The following SPPL2A variants were observed in gnomAD, a reference collection of about 807,000 sequenced individuals.
SPPL2A encodes the protein signal peptide peptidase-like 2A.
SPPL2A carries 51 observed loss-of-function variants against 63.8 expected under a neutral mutation model. The ratio of observed to expected loss-of-function variants is 0.80; its 90% CI spans 0.64 to 1.01. The LOEUF is 1.01. Ranked by LOEUF, SPPL2A falls within the 50% of genes least tolerant of loss-of-function variation. SPPL2A has a pLI of 0.00. For missense variants in SPPL2A, 553 were observed against 622.7 expected (o/e 0.89, Z 1.19); for synonymous variants, 188 against 205.8 (o/e 0.91, Z 0.74).
chr15:50,734,185 C>A (rs113662455), intron 8 of SPPL2A, among the ~76,000 whole-genome samples: 28 of 152,116 alleles, frequency 1.8e-4, no homozygotes, highest in African/African-American at 6.8e-4. Context: ...CAAAGAGATA[C>A]CTGAACTCTC....
At chr15:50,726,138 C>G (rs185441028) in intron 11 of SPPL2A, 183 bp downstream of exon 11, 1 of 1,522,924 alleles carries the variant, frequency 6.6e-7, no homozygotes, top group Admixed American at 2.0e-5. Context: ...TAGGATGAAA[C>G]CCAAGTCAAT....
rs529036460 is a variant in SPPL2A at position 50,749,537 on chromosome 15, T to C, written c.177+99A>G. On this transcript the variant is annotated intron_variant, in intron 2 of 14. Coordinates refer to ENST00000261854, the MANE Select transcript of SPPL2A (RefSeq NM_032802.4). The stretch of plus-strand genomic sequence containing the variant: ...TCCTGACCTCATGATCCGCCCGCCT[T>C]GGCCTCCCAAAGTGCTGGGATTACA... 2,815 of 766,864 alleles carry C rather than the reference T, an allele frequency of 3.7e-3. 6 individuals carry two copies. Among genetic ancestry groups the C allele is most frequent in the Non-Finnish European group, 5.5e-3 (2,355 of 430,778 alleles). The allele number at this position is 766,864 out of a possible 1,614,324, so 47.5% of individuals were successfully genotyped here.
intron 1 of SPPL2A, among the ~76,000 whole-genome samples, chr15:50,764,771 A>G (rs1053698636): frequency 1.8e-4 from 28 of 152,316 alleles, no homozygotes; most frequent in African/African-American, 6.0e-4. Flanking sequence ...ATCTATGAAC[A>G]CATATTTCTT....
At chr15:50,765,415 GC>G in intron 1 of SPPL2A, 52 bp downstream of exon 1, 3 of 1,417,674 alleles carry the variant, frequency 2.1e-6, no homozygotes, top group South Asian at 1.3e-5. Context: ...CCCGGCCTTG[GC>G]CCCGGCCCCG....
intron 5 of SPPL2A, among the ~76,000 whole-genome samples, chr15:50,740,495 G>A (rs773784881): frequency 1.3e-5 from 2 of 151,482 alleles, no homozygotes; most frequent in Non-Finnish European, 2.9e-5. Flanking sequence ...AATACTTGTG[G>A]ATGTTTATAT....
Position 50,757,089 on chromosome 15 carries a change from C to CTTTTTTTTTTTTT in SPPL2A, c.67-7344_67-7343insAAAAAAAAAAAAA, listed in dbSNP as rs57100103. On this transcript the variant is annotated intron_variant, in intron 1 of 14. Coordinates refer to ENST00000261854, the MANE Select transcript of SPPL2A (RefSeq NM_032802.4). ...GTTCCTCCCACATCCTAAATCCTTT[C>CTTTTTTTTTTTTT]TTTTTTTTTTTGAGACAGAGTCTCA... Among the ~76,000 whole-genome samples the CTTTTTTTTTTTTT allele has an allele frequency of 3.5e-3, 443 of 128,310 alleles. 38 individuals are homozygous for CTTTTTTTTTTTTT. The highest frequency in any genetic ancestry group is 0.013 in the African/African-American group (417 of 32,638). 84.2% of individuals were successfully genotyped at this position (128,310 alleles called of 152,430 possible).
chr15:50,727,866 A>G (rs1258629511), intron 10 of SPPL2A, among the ~76,000 whole-genome samples: 1 of 152,252 alleles, frequency 6.6e-6, no homozygotes, highest in African/African-American at 2.4e-5. Flanking sequence ...GTAAATCTAC[A>G]GCAGTGAACT....
Position 50,748,720 on chromosome 15 carries a change from C to T in SPPL2A, c.328G>A (p.Glu110Lys). 6.2e-7 allele frequency: 1 copy of T among 1,608,670 alleles called. No individual in the cohort carries two copies. The highest frequency in any genetic ancestry group is 1.1e-5 in the South Asian group (1 of 90,176). ...CTGTTATTGACAACTAACATTGCTT[C>T]AGCACCTCCTTTCTGTGCAATTCTG... ...KARIAQKGGA[E>K]AMLVVNNSVL... The change falls in exon 3 of 15, where the codon GAA becomes AAA. Residue 110 changes from glutamate (E) to lysine (K), a missense_variant. By Grantham distance (56) the Glu-to-Lys change is moderately conservative. Transcript: ENST00000261854.
At chr15:50,757,927 T>C (rs1178093073) in intron 1 of SPPL2A, among the ~76,000 whole-genome samples, 2 of 145,802 alleles carry the variant, frequency 1.4e-5, no homozygotes, top group Admixed American at 7.0e-5. Flanking sequence ...GAAGTTGCAG[T>C]GAGCTGAGAT....
In SPPL2A at chr15:50,712,494, A is replaced by C. The variant is rs570264988; in HGVS notation, c.1489-4620T>G. 1.2e-4 allele frequency among the ~76,000 whole-genome samples: 18 copies of C among 152,192 alleles called. No homozygotes were observed. The South Asian group carries it at 3.7e-3, about 32-fold the overall frequency. ...CTCAGGCCCATCTCACAGTGGAACC[A>C]TATCAAGTCTCCCTCTGTCTCACCA... On this transcript the variant is annotated intron_variant, in intron 14 of 14. Coordinates refer to ENST00000261854, the MANE Select transcript of SPPL2A (RefSeq NM_032802.4).
In SPPL2A at chr15:50,731,642, G is replaced by C. The variant is rs187344638; in HGVS notation, c.1015-603C>G. Among the ~76,000 whole-genome samples, 6 of 152,022 alleles carry C rather than the reference G, an allele frequency of 3.9e-5. No homozygotes were observed. The East Asian group carries it at 1.2e-3, about 29-fold the overall frequency. The stretch of plus-strand genomic sequence containing the variant: ...TATATGAATGATTAAAAATATTTTA[G>C]GCAGGCTGGGCACAGTGGCTCATGC... On this transcript the variant is annotated intron_variant, in intron 9 of 14. Transcript: ENST00000261854.
At chr15:50,728,885 C>T (rs1385645187) in intron 10 of SPPL2A, among the ~76,000 whole-genome samples, 1 of 150,568 alleles carries the variant, frequency 6.6e-6, no homozygotes, top group African/African-American at 2.5e-5. Flanking sequence ...GCAATCTTGG[C>T]TCACTGCAAC....
chr15:50,718,990 G>T (rs1426817565), intron 14 of SPPL2A, among the ~76,000 whole-genome samples: 1 of 152,078 alleles, frequency 6.6e-6, no homozygotes, highest in Non-Finnish European at 1.5e-5. Context: ...CAGTGCCATG[G>T]CCCTGACCTC....
chr15:50,704,124 C>T lies in SPPL2A; in HGVS notation c.*3676G>A, dbSNP rs1027677350. The T allele has an allele frequency of 2.6e-5, 4 of 151,942 alleles. No individual in the cohort carries two copies. The highest frequency in any genetic ancestry group is 9.7e-5 in the African/African-American group (4 of 41,374). 9.4% of individuals were successfully genotyped at this position (151,942 alleles called of 1,614,324 possible). On this transcript the variant is annotated 3_prime_UTR_variant, in exon 15 of 15. Coordinates refer to ENST00000261854, the MANE Select transcript of SPPL2A (RefSeq NM_032802.4). ...TTAGGAGGCTGAGGCGGGCGGATCA[C>T]CTCAGGTTGGGAGTTCGAGACCAGC...
chr15:50,752,957 A>T (rs1247220807), intron 1 of SPPL2A, among the ~76,000 whole-genome samples: 1 of 152,152 alleles, frequency 6.6e-6, no homozygotes, highest in Non-Finnish European at 1.5e-5. Flanking sequence ...TCTATCAAAA[A>T]TTGTAATACA....
chr15:50,736,915 T>G (rs567153749), intron 6 of SPPL2A, among the ~76,000 whole-genome samples, 175 bp from the exon 7 acceptor site: 2 of 150,318 alleles, frequency 1.3e-5, no homozygotes, highest in Admixed American at 6.6e-5. Context: ...AGGTTTTTTG[T>G]TTTTTTTTCT....
Position 50,725,322 on chromosome 15 carries a change from A to T in SPPL2A, c.1148T>A (p.Leu383Ter). The change falls in exon 12 of 15, where the codon TTG (leucine) becomes TAG (stop). Residue 383 changes from leucine (L) to a stop codon, truncating the protein, a stop_gained and splice_region_variant. Transcript: ENST00000261854. LOFTEE classifies it high-confidence loss of function. Reference protein sequence around the residue: ...AAGPFGNNEKLPVVIRVPKLI... With the variant: ...AAGPFGNNEK ...TTTTGGTACTCTGATGACTACTGGC[A>T]ACTGTTCAAAAACAAAACAAAACAA... 2.6e-6 allele frequency: 4 copies of T among 1,533,890 alleles called. No individual in the cohort carries two copies. Among genetic ancestry groups the T allele is most frequent in the Non-Finnish European group, 3.6e-6 (4 of 1,122,416 alleles).
chr15:50,730,239 T>C (rs2062719927), intron 10 of SPPL2A, among the ~76,000 whole-genome samples: 1 of 152,106 alleles, frequency 6.6e-6, no homozygotes, highest in Admixed American at 6.6e-5. Context: ...ACTGAAGAGC[T>C]AGCGGCAGAT....
In SPPL2A at chr15:50,702,418, C is replaced by G. The variant is rs1596370166; in HGVS notation, c.*5382G>C. 6.6e-6 allele frequency: 1 copy of G among 151,982 alleles called. No homozygotes were observed. Among genetic ancestry groups the G allele is most frequent in the Non-Finnish European group, 1.5e-5 (1 of 68,000 alleles). The allele number at this position is 151,982 out of a possible 1,614,324, so 9.4% of individuals were successfully genotyped here. ...TAAAACATTCCATAAAAATATAAAG[C>G]CTAGTAGTGTTATAAAAGTATTAAT... On this transcript the variant is annotated 3_prime_UTR_variant, in exon 15 of 15. Transcript: ENST00000261854.
Sources: allele counts gnomAD v4.1 joint callset (sites outside exome capture counted in the v4.1 genomes callset), GRCh38; gene constraint gnomAD v4.1.1; transcripts MANE v1.5; gene names NCBI Gene and HGNC (gene_info 2026-07-23, HGNC 2026-07-21).